Variants in PRTN3 observed in about 807,000 individuals in gnomAD.
PRTN3 encodes myeloblastin.
In PRTN3, 22 loss-of-function variants were observed where a neutral mutation model predicts 20.7. The ratio of observed to expected loss-of-function variants is 1.06; its 90% CI spans 0.76 to 1.52. The LOEUF is 1.52. Ranked by LOEUF, PRTN3 falls within the 40% of genes most tolerant of loss-of-function variation. The probability of loss-of-function intolerance (pLI) is 0.00; values close to 1 mark genes in which losing one functional copy is unlikely to be tolerated. For synonymous variants in PRTN3, 173 were observed against 152.9 expected, an observed-to-expected ratio of 1.13 and a Z score of -0.97; for missense variants, 378 against 359.6, an observed-to-expected ratio of 1.05 and a Z score of -0.41.
At chr19:846,537 C>T (rs992496013) in intron 4 of PRTN3, among the ~76,000 whole-genome samples, 160 bp downstream of exon 4, 19 of 151,470 alleles carry the variant, frequency 1.3e-4, no homozygotes, top group Non-Finnish European at 1.9e-4. Context: ...GCAGGCTCAG[C>T]GGGGTGGGGG....
chr19:843,016 G>A (rs1421563142), intron 1 of PRTN3, among the ~76,000 whole-genome samples: 2 of 152,178 alleles, frequency 1.3e-5, no homozygotes, highest in Non-Finnish European at 2.9e-5. Context: ...CTGGGCTCAA[G>A]CGATCCTCCC....
chr19:846,768 A>T lies in PRTN3; in HGVS notation c.600+391A>T, dbSNP rs183226813. 3.6e-3 allele frequency among the ~76,000 whole-genome samples: 549 copies of T among 152,228 alleles called. 2 individuals carry two copies. The highest frequency in any genetic ancestry group is 0.013 in the African/African-American group (527 of 41,538). On this transcript the variant is annotated intron_variant, in intron 4 of 4. Coordinates refer to ENST00000234347, the MANE Select transcript of PRTN3 (RefSeq NM_002777.4). ...CACTTTTTGTTTGTTTTTGAGACGG[A>T]GTGTCGCTCTGTTGTCCAGGCTGGA...
rs1223673081 is a variant in PRTN3, at chr19:847,828, T to C, written c.630T>C (p.Asp210=). 2 of 1,609,472 alleles carry C rather than the reference T, an allele frequency of 1.2e-6. No homozygotes were observed. The highest frequency in any genetic ancestry group is 1.7e-6 in the Non-Finnish European group (2 of 1,177,840). ...ACTCAGGTGGCCCCCTGATCTGTGA[T>C]GGCATCATCCAAGGAATAGACTCCT... ...FGDSGGPLIC[D]GIIQGIDSFV... Residue 210 remains aspartate, a synonymous_variant, in exon 5 of 5, where the codon GAT becomes GAC. Coordinates refer to ENST00000234347, the MANE Select transcript of PRTN3 (RefSeq NM_002777.4).
Position 848,024 on chromosome 19 carries a change from G to A in PRTN3, c.*55G>A, listed in dbSNP as rs1398705528. 6.5e-7 allele frequency: 1 copy of A among 1,538,496 alleles called. No homozygotes were observed. Among genetic ancestry groups the A allele is most frequent in the Admixed American group, 1.9e-5 (1 of 51,792 alleles). On this transcript the variant is annotated 3_prime_UTR_variant, in exon 5 of 5. Transcript: ENST00000234347. ...CCCGAGCCTGGCTCCAAACCCTCGA[G>A]GCGGATCTTTGGACAGAAGCAGCTC...
chr19:847,683 G>A, intron 4 of PRTN3, 116 bp from the exon 5 acceptor site: 2 of 1,308,588 alleles, frequency 1.5e-6, no homozygotes, highest in Admixed American at 2.6e-5. Flanking sequence ...CGGGTGACTG[G>A]CTGTCCCCAT....
intron 4 of PRTN3, among the ~76,000 whole-genome samples, chr19:846,716 C>A (rs4807931): frequency 1.3e-5 from 2 of 150,942 alleles, no homozygotes; most frequent in Non-Finnish European, 2.9e-5. Flanking sequence ...CCAGTTCCTA[C>A]GAAAGACCTC....
At position 843,454 on chromosome 19, in the gene PRTN3, C is replaced by T. The variant is rs7257699; in HGVS notation, c.62-7C>T. On this transcript the variant is annotated splice_region_variant and splice_polypyrimidine_tract_variant and intron_variant, in intron 1 of 4. Coordinates refer to ENST00000234347, the MANE Select transcript of PRTN3 (RefSeq NM_002777.4). ...GGCTCCCTGACGCCTGGACTCCCCC[C>T]CTGCAGGTGCTGCCCGAGCTGCGGA... 75 of 1,553,406 alleles carry T rather than the reference C, an allele frequency of 4.8e-5. No homozygotes were observed. Among genetic ancestry groups the T allele is most frequent in the Admixed American group, 2.8e-4 (15 of 53,482 alleles).
In PRTN3 at chr19:844,004, GAAC is replaced by G. The variant is rs1463767970; in HGVS notation, c.342_344del (p.Asn114del). 6.2e-7 allele frequency: 1 copy of G among 1,607,306 alleles called. No individual in the cohort carries two copies. Among genetic ancestry groups the G allele is most frequent in the East Asian group, 2.2e-5 (1 of 44,592 alleles). ...TGTTTCTGAACAACTACGACGCGGAGAACAAACTGAACGACGTTCTCCTCATCC... is the reference window on the plus strand; with the variant it reads ...TGTTTCTGAACAACTACGACGCGGAGAAACTGAACGACGTTCTCCTCATCC... On this transcript the variant is annotated inframe_deletion, in exon 3 of 5. Transcript: ENST00000234347.
rs952356334 is a variant in PRTN3, at chr19:846,322, G to A, written c.545G>A (p.Cys182Tyr). 6.3e-7 allele frequency: 1 copy of A among 1,591,734 alleles called. No individual in the cohort carries two copies. Among genetic ancestry groups the A allele is most frequent in the Admixed American group, 1.7e-5 (1 of 57,254 alleles). The change falls in exon 4 of 5, where the codon TGC (cysteine) becomes TAC (tyrosine). Residue 182 changes from cysteine (C) to tyrosine (Y), a missense_variant. Coordinates refer to ENST00000234347, the MANE Select transcript of PRTN3 (RefSeq NM_002777.4). ...ELNVTVVTFF[C>Y]RPHNICTFVP... is the part of the protein sequence containing the mutation. Reference sequence around the variant, plus strand: ...AATGTCACCGTGGTCACCTTCTTCTGCCGGCCACATAACATTTGCACTTTC... The same window carrying A: ...AATGTCACCGTGGTCACCTTCTTCTACCGGCCACATAACATTTGCACTTTC...
chr19:846,824 C>T (rs545823244), intron 4 of PRTN3, among the ~76,000 whole-genome samples: 29 of 152,230 alleles, frequency 1.9e-4, no homozygotes, highest in Admixed American at 2.6e-4. Flanking sequence ...CTCACTGCAA[C>T]CTCCACCTCC....
rs759579873 is a variant in PRTN3, at chr19:844,028, C to G, written c.363C>G (p.Leu121=). 2.9e-5 allele frequency: 46 copies of G among 1,602,986 alleles called. No individual in the cohort carries two copies. Among genetic ancestry groups the G allele is most frequent in the Non-Finnish European group, 3.7e-5 (43 of 1,175,288 alleles). Reference sequence around the variant, plus strand: ...AGAACAAACTGAACGACGTTCTCCTCATCCAGGTGGGCGGGCAGGGCCGCG... The same window carrying G: ...AGAACAAACTGAACGACGTTCTCCTGATCCAGGTGGGCGGGCAGGGCCGCG... ...DAENKLNDVL[L]IQLSSPANLS... is the part of the protein sequence containing the mutation. Residue 121 remains leucine (L), a synonymous_variant, in exon 3 of 5, where the codon CTC becomes CTG. Coordinates refer to ENST00000234347, the MANE Select transcript of PRTN3 (RefSeq NM_002777.4).
At chr19:847,482 G>C (rs2035531019) in intron 4 of PRTN3, among the ~76,000 whole-genome samples, 1 of 139,984 alleles carries the variant, frequency 7.1e-6, no homozygotes, top group Non-Finnish European at 1.6e-5. Context: ...GAGAAAGAAA[G>C]AAAGAGATAG....
chr19:844,199 A>G (rs1273163721), intron 3 of PRTN3, among the ~76,000 whole-genome samples, 165 bp downstream of exon 3: 1 of 130,702 alleles, frequency 7.7e-6, no homozygotes, highest in Non-Finnish European at 1.6e-5. Context: ...CGCTCCTTGG[A>G]CACCAGGCCA....
intron 2 of PRTN3, 123 bp downstream of exon 2, chr19:843,749 GCGC>G: frequency 6.9e-7 from 1 of 1,449,580 alleles, no homozygotes; most frequent in South Asian, 1.4e-5. Flanking sequence ...CCCAGGCCCC[GCGC>G]GCGTGGGCAG....
At chr19:845,909 A>G (rs940626025) in intron 3 of PRTN3, among the ~76,000 whole-genome samples, 2 of 152,020 alleles carry the variant, frequency 1.3e-5, no homozygotes, top group Non-Finnish European at 2.9e-5. Flanking sequence ...AGATCACGCC[A>G]CTGCATTCCA....
rs766792608 is a variant in PRTN3, at chr19:846,325, G to A, written c.548G>A (p.Arg183Gln). 18 of 1,591,012 alleles carry A rather than the reference G, an allele frequency of 1.1e-5. No homozygotes were observed. In the Admixed American group the frequency reaches 1.8e-4, roughly 15 times the overall value. The part of the protein sequence containing the change: ...LNVTVVTFFC[R>Q]PHNICTFVPR... ...GTCACCGTGGTCACCTTCTTCTGCC[G>A]GCCACATAACATTTGCACTTTCGTC... The change falls in exon 4 of 5, where the codon CGG becomes CAG. Residue 183 changes from arginine (R) to glutamine (Q), a missense_variant. By Grantham distance (43) the Arg-to-Gln change is conservative (BLOSUM62 1). Transcript: ENST00000234347.
Position 846,261 on chromosome 19 carries a change from G to T in PRTN3, c.484G>T (p.Ala162Ser). Reference sequence around the variant, plus strand: ...GGCCATGGGCTGGGGCCGCGTGGGTGCCCACGACCCCCCAGCCCAGGTCCT... The same window carrying T: ...GGCCATGGGCTGGGGCCGCGTGGGTTCCCACGACCCCCCAGCCCAGGTCCT... ...CLAMGWGRVG[A>S]HDPPAQVLQE... The change falls in exon 4 of 5, where the codon GCC (alanine) becomes TCC (serine). Residue 162 changes from alanine (A) to serine (S), a missense_variant. By Grantham distance (99) the Ala-to-Ser change is moderately conservative (BLOSUM62 1). Coordinates refer to ENST00000234347, the MANE Select transcript of PRTN3 (RefSeq NM_002777.4). 6.4e-7 allele frequency: 1 copy of T among 1,571,032 alleles called. No individual in the cohort carries two copies. The highest frequency in any genetic ancestry group is 1.4e-5 in the African/African-American group (1 of 73,674).
At position 841,215 on chromosome 19, in the gene PRTN3, A is replaced by G. The variant is rs1475847693; in HGVS notation, c.61+146A>G. ...GGGGAGACTCCACTCACTGCTCGGG[A>G]CCAACGCTTGCAGGGGTGGGGAGGA... is the stretch of plus-strand genomic sequence containing the variant. On this transcript the variant is annotated intron_variant, in intron 1 of 4. Transcript: ENST00000234347. 7 of 1,117,566 alleles carry G rather than the reference A, an allele frequency of 6.3e-6. No homozygotes were observed. In the Admixed American group the frequency reaches 1.4e-4, roughly 22 times the overall value. 69.2% of individuals were successfully genotyped at this position (1,117,566 alleles called of 1,614,324 possible).
chr19:845,616 A>G (rs2035505927), intron 3 of PRTN3, among the ~76,000 whole-genome samples: 1 of 151,808 alleles, frequency 6.6e-6, no homozygotes, highest in South Asian at 2.1e-4. Context: ...TGGGAGGCTG[A>G]GGCAGCAGAA....
Sources: gnomAD v4.1 joint callset for allele counts (sites outside exome capture counted in the v4.1 genomes callset) on GRCh38, gnomAD v4.1.1 for gene constraint, MANE v1.5 for transcripts, NCBI Gene and HGNC (gene_info 2026-07-23, HGNC 2026-07-21) for gene names.